Variants in PPARA observed in about 807,000 individuals in gnomAD.
The protein encoded by PPARA is peroxisome proliferator-activated receptor alpha.
Under a neutral mutation model 42.2 loss-of-function variants are expected in PPARA, and 22 were observed. That is an observed-to-expected ratio of 0.52 (90% CI 0.37 to 0.74). The LOEUF is 0.74. PPARA is among the 30% of genes least tolerant of loss of function. PPARA has a pLI of 0.00. For missense variants in PPARA, 465 were observed against 608.2 expected (o/e 0.76, Z 2.48); for synonymous variants, 242 against 239.3 (o/e 1.01, Z -0.10).
rs111754562 is a variant in PPARA, at chr22:46,181,000, C to T, written c.-43+4164C>T. On this transcript the variant is annotated intron_variant, in intron 3 of 8. Transcript: ENST00000407236. The surrounding 1 kb of genome is among the most constrained non-coding windows in gnomAD (Gnocchi z 4.2). Reference sequence around the variant, plus strand: ...TAAAGGGGTTGCAGGACGGTTCCAGCAGGGGCTGGGGATGGTGAGAGTAGC... The same window carrying T: ...TAAAGGGGTTGCAGGACGGTTCCAGTAGGGGCTGGGGATGGTGAGAGTAGC... Among the ~76,000 whole-genome samples, 17,623 of 152,062 alleles carry T rather than the reference C, an allele frequency of 0.12. 1,547 individuals carry two copies. Among genetic ancestry groups the T allele is most frequent in the African/African-American group, 0.25 (10,322 of 41,424 alleles).
chr22:46,168,635 T>A (rs1443598094), intron 2 of PPARA, among the ~76,000 whole-genome samples: 1 of 151,804 alleles, frequency 6.6e-6, no homozygotes, highest in Admixed American at 6.6e-5. Context: ...GGCATGTCAT[T>A]TGAATGGATG....
At chr22:46,198,106 C>T (rs150999957) in intron 3 of PPARA, among the ~76,000 whole-genome samples, 11,267 of 148,036 alleles carry the variant, frequency 0.076, 482 homozygotes, top group Middle Eastern at 0.12. Flanking sequence ...GGCGTGGTGG[C>T]AGGCGCCTGT....
intron 2 of PPARA, among the ~76,000 whole-genome samples, chr22:46,157,473 C>T (rs945219280): frequency 6.6e-6 from 1 of 152,152 alleles, no homozygotes; most frequent in African/African-American, 2.4e-5. Flanking sequence ...GGTGTTTCCT[C>T]CAGATGTCCA....
intron 4 of PPARA, among the ~76,000 whole-genome samples, chr22:46,199,640 T>TA (rs200884460): frequency 1.4e-3 from 209 of 152,006 alleles, no homozygotes; most frequent in Middle Eastern, 6.8e-3. Context: ...ACCCTGTCTT[T>TA]AAAAAAAAAT....
rs1477333090 is a variant in PPARA at position 46,211,435 on chromosome 22, T to C, written c.209-3738T>C. The stretch of plus-strand genomic sequence containing the variant: ...ATCCTTTTGCCTTTAGTCTTACAGA[T>C]TCCAATCATTCCAAATTATTCGGTG... On this transcript the variant is annotated intron_variant, in intron 4 of 8. Coordinates refer to ENST00000407236, the MANE Select transcript of PPARA (RefSeq NM_005036.6). This position sits in a 1 kb window ranked among gnomAD's most constrained non-coding sequence, Gnocchi z 4.1. Among the ~76,000 whole-genome samples, 1 of 152,210 alleles carries C rather than the reference T, an allele frequency of 6.6e-6. No homozygotes were observed.
chr22:46,185,895 CA>C (rs1162861606), intron 3 of PPARA, among the ~76,000 whole-genome samples: 261 of 19,670 alleles, frequency 0.013, 3 homozygotes, highest in Middle Eastern at 0.042. Context: ...ACTCCGTCTC[CA>C]AAAAAAAAAA....
intron 4 of PPARA, among the ~76,000 whole-genome samples, chr22:46,213,510 C>T (rs1049392259): frequency 5.9e-5 from 9 of 151,680 alleles, no homozygotes; most frequent in South Asian, 4.2e-4. Context: ...CGGGTCCAAG[C>T]GATTCCCCTG....
intron 2 of PPARA, among the ~76,000 whole-genome samples, chr22:46,166,799 C>T (rs780726702): frequency 1.3e-5 from 2 of 152,016 alleles, no homozygotes; most frequent in African/African-American, 2.4e-5. Flanking sequence ...CTTAGGATGG[C>T]GACTTTTCCC....
Position 46,216,398 on chromosome 22 carries a change from G to A in PPARA, c.369+1065G>A, listed in dbSNP as rs1328504840. 6.8e-6 allele frequency among the ~76,000 whole-genome samples: 1 copy of A among 147,154 alleles called. No individual in the cohort carries two copies. Among genetic ancestry groups the A allele is most frequent in the African/African-American group, 2.6e-5 (1 of 38,732 alleles). On this transcript the variant is annotated intron_variant, in intron 5 of 8. Transcript: ENST00000407236. This position sits in a 1 kb window ranked among gnomAD's most constrained non-coding sequence, Gnocchi z 4.5. ...AACTTCATCTCAAAAAAAAAAAAAA[G>A]AGAGAAAAGAAAATAAGCCACATTA...
At chr22:46,157,164 T>C (rs760924628) in intron 2 of PPARA, among the ~76,000 whole-genome samples, 4 of 152,254 alleles carry the variant, frequency 2.6e-5, no homozygotes, top group Non-Finnish European at 5.9e-5. Flanking sequence ...GGATGTCTTA[T>C]TTATTTCTGC....
chr22:46,177,398 A>C (rs1929300588), intron 3 of PPARA, among the ~76,000 whole-genome samples: 1 of 148,986 alleles, frequency 6.7e-6, no homozygotes, highest in African/African-American at 2.5e-5. Context: ...CAGGAGGCAG[A>C]GGTTGCAGTG....
chr22:46,198,326 T>C lies in PPARA; in HGVS notation c.-42-16T>C, dbSNP rs1601718297. 1 of 1,441,816 alleles carries C rather than the reference T, an allele frequency of 6.9e-7. No homozygotes were observed. The highest frequency in any genetic ancestry group is 2.3e-5 in the East Asian group (1 of 44,060). The allele number at this position is 1,441,816 out of a possible 1,614,324, so 89.3% of individuals were successfully genotyped here. On this transcript the variant is annotated splice_polypyrimidine_tract_variant and intron_variant, in intron 3 of 8. Transcript: ENST00000407236. ...GTTATACGTCAGTCTTACCAATTGT[T>C]CCTCTTTCCTCCCAGTAGCTTGGAG...
chr22:46,214,446 C>A (rs559363093), intron 4 of PPARA, among the ~76,000 whole-genome samples: 1 of 149,496 alleles, frequency 6.7e-6, no homozygotes, highest in Admixed American at 6.7e-5. Flanking sequence ...CTAGGAGATG[C>A]GTGGGTCCGG....
chr22:46,215,251 G>C lies in PPARA; in HGVS notation c.287G>C (p.Gly96Ala). Reference sequence around the variant, plus strand: ...GGCAGCGTGGACGAGTCTCCCAGTGGAGCATTGAACATCGAATGTAGAATC... The same window carrying C: ...GGCAGCGTGGACGAGTCTCCCAGTGCAGCATTGAACATCGAATGTAGAATC... ...VPGSVDESPS[G>A]ALNIECRICG... The change falls in exon 5 of 9, where the codon GGA becomes GCA. Residue 96 changes from glycine (G) to alanine (A), a missense_variant. Transcript: ENST00000407236. 1 of 1,614,106 alleles carries C rather than the reference G, an allele frequency of 6.2e-7. No homozygotes were observed. Among genetic ancestry groups the C allele is most frequent in the Non-Finnish European group, 8.5e-7 (1 of 1,180,020 alleles).
intron 5 of PPARA, 92 bp from the exon 6 acceptor site, chr22:46,218,171 C>A: frequency 6.7e-7 from 1 of 1,502,068 alleles, no homozygotes; most frequent in Non-Finnish European, 9.2e-7. Context: ...TAAAAAGAAA[C>A]AATAAATGAG....
At chr22:46,185,001 A>G (rs1930470410) in intron 3 of PPARA, among the ~76,000 whole-genome samples, 1 of 152,126 alleles carries the variant, frequency 6.6e-6, no homozygotes, top group South Asian at 2.1e-4. Flanking sequence ...CATCCATTCC[A>G]TGGAGTCCCT....
chr22:46,226,130 C>T (rs1027318983), intron 7 of PPARA, among the ~76,000 whole-genome samples: 2 of 151,448 alleles, frequency 1.3e-5, no homozygotes, highest in African/African-American at 4.9e-5. Context: ...TACCCACACA[C>T]GTACCCACAC....
Position 46,224,142 on chromosome 22 carries a change from G to A in PPARA, c.711+4128G>A, listed in dbSNP as rs1489225697. ...CTCCAACCATCATGTGACTCTTTGTGTTTGATCACACTGTTTGCTCCAAGC... is the reference window on the plus strand; with the variant it reads ...CTCCAACCATCATGTGACTCTTTGTATTTGATCACACTGTTTGCTCCAAGC... On this transcript the variant is annotated intron_variant, in intron 7 of 8. Coordinates refer to ENST00000407236, the MANE Select transcript of PPARA (RefSeq NM_005036.6). The surrounding 1 kb of genome is among the most constrained non-coding windows in gnomAD (Gnocchi z 5.7). Among the ~76,000 whole-genome samples the A allele has an allele frequency of 6.6e-6, 1 of 152,182 alleles. No homozygotes were observed. The highest frequency in any genetic ancestry group is 1.9e-4 in the East Asian group (1 of 5,192).
rs1930170540 is a variant in PPARA, at chr22:46,182,908, C to A, written c.-43+6072C>A. 6.6e-6 allele frequency among the ~76,000 whole-genome samples: 1 copy of A among 152,138 alleles called. No individual in the cohort carries two copies. The stretch of plus-strand genomic sequence containing the variant: ...TACAGGCATACGCCACCATGCCCAG[C>A]TAATTTTTCTATTTTTAGTAAAGAC... On this transcript the variant is annotated intron_variant, in intron 3 of 8. Transcript: ENST00000407236. The surrounding 1 kb of genome is among the most constrained non-coding windows in gnomAD (Gnocchi z 5.2).
Sources: gnomAD v4.1 joint callset for allele counts (sites outside exome capture counted in the v4.1 genomes callset) on GRCh38, gnomAD v4.1.1 for gene constraint, Gnocchi (gnomAD v3.1) non-coding constraint, MANE v1.5 for transcripts, NCBI Gene and HGNC (gene_info 2026-07-23, HGNC 2026-07-21) for gene names.